ZBTB20: variants seen among roughly 807,000 people sequenced by gnomAD.
The protein encoded by ZBTB20 is zinc finger and BTB domain-containing protein 20.
A neutral mutation model predicts 56.9 loss-of-function variants in ZBTB20; 9 were observed. That is an observed-to-expected ratio of 0.16 (90% CI 0.10 to 0.28). ZBTB20 has a LOEUF of 0.28. ZBTB20 is among the 10% of genes least tolerant of loss of function. The pLI is 1.00. For missense variants in ZBTB20, 655 were observed against 1,003.0 expected (o/e 0.65, Z 4.69); for synonymous variants, 417 against 420.7 (o/e 0.99, Z 0.11).
chr3:114,863,873 G>T (rs1258741912), intron 4 of ZBTB20, among the ~76,000 whole-genome samples: 1 of 151,878 alleles, frequency 6.6e-6, no homozygotes, highest in Non-Finnish European at 1.5e-5. Flanking sequence ...CATTAAGTTT[G>T]GTGTTTAATT....
At chr3:114,360,080 G>T (rs1406198424) in intron 10 of ZBTB20, among the ~76,000 whole-genome samples, 2 of 151,106 alleles carry the variant, frequency 1.3e-5, no homozygotes, top group Non-Finnish European at 2.9e-5. Flanking sequence ...TTAAACGAGT[G>T]AGAAAACAGA....
intron 4 of ZBTB20, among the ~76,000 whole-genome samples, chr3:114,805,770 A>G (rs2072058033): frequency 6.6e-6 from 1 of 151,900 alleles, no homozygotes; most frequent in African/African-American, 2.4e-5. Context: ...GTCAATCCCT[A>G]GACCCAGACA....
intron 6 of ZBTB20, among the ~76,000 whole-genome samples, chr3:114,651,131 C>A (rs1476503550): frequency 6.6e-6 from 1 of 151,960 alleles, no homozygotes; most frequent in South Asian, 2.1e-4. Context: ...TTAAAAAGAA[C>A]AAGAAAGGAA....
At chr3:114,601,724 G>A (rs575660277) in intron 6 of ZBTB20, among the ~76,000 whole-genome samples, 2 of 152,028 alleles carry the variant, frequency 1.3e-5, no homozygotes, top group Non-Finnish European at 2.9e-5. Flanking sequence ...AGGATACTTG[G>A]GATTTCAAAG....
intron 3 of ZBTB20, among the ~76,000 whole-genome samples, chr3:114,930,134 G>A (rs2076302221): frequency 6.6e-6 from 1 of 152,046 alleles, no homozygotes; most frequent in South Asian, 2.1e-4. Context: ...ACACCACATT[G>A]CCTAAGATTG....
chr3:114,441,899 CA>C (rs1206336827), intron 7 of ZBTB20, among the ~76,000 whole-genome samples: 1 of 151,442 alleles, frequency 6.6e-6, no homozygotes, highest in East Asian at 1.9e-4. Context: ...AAAACCAAAA[CA>C]AAAAAAACCA....
intron 7 of ZBTB20, among the ~76,000 whole-genome samples, chr3:114,433,793 G>A (rs2090304838): frequency 6.6e-6 from 1 of 152,086 alleles, no homozygotes. Context: ...TTAGCAGTTC[G>A]GAAGAAGCAA....
At chr3:114,966,477 A>G (rs1042913528) in intron 3 of ZBTB20, among the ~76,000 whole-genome samples, 3 of 152,088 alleles carry the variant, frequency 2.0e-5, no homozygotes, top group African/African-American at 7.2e-5. Context: ...TAGGTATTCA[A>G]TTCATCAATT....
At chr3:114,849,427 A>G (rs1331743546) in intron 4 of ZBTB20, among the ~76,000 whole-genome samples, 1 of 152,218 alleles carries the variant, frequency 6.6e-6, no homozygotes, top group African/African-American at 2.4e-5. Flanking sequence ...ACTTGGATAC[A>G]CTTCCTCTGT....
chr3:114,825,459 G>A (rs2073475583), intron 4 of ZBTB20, among the ~76,000 whole-genome samples: 1 of 151,844 alleles, frequency 6.6e-6, no homozygotes, highest in African/African-American at 2.4e-5. Flanking sequence ...TTTTAGAAGT[G>A]ATGTTTCTCT....
chr3:115,066,103 C>G (rs1506025), intron 2 of ZBTB20, among the ~76,000 whole-genome samples: 7,564 of 152,144 alleles, frequency 0.05, 636 homozygotes, highest in African/African-American at 0.17. Flanking sequence ...CACACTTATC[C>G]TAACTTTTAC....
chr3:115,106,062 C>A (rs1451252208), intron 1 of ZBTB20, among the ~76,000 whole-genome samples: 1 of 151,800 alleles, frequency 6.6e-6, no homozygotes, highest in East Asian at 1.9e-4. Context: ...GTGATCCGCC[C>A]ACCTCAGCCT....
At chr3:114,993,752 C>G (rs1327717748) in intron 2 of ZBTB20, among the ~76,000 whole-genome samples, 1 of 151,674 alleles carries the variant, frequency 6.6e-6, no homozygotes, top group South Asian at 2.1e-4. Flanking sequence ...TGGGATGCAG[C>G]TAAAGTGGTT....
chr3:114,967,365 T>C (rs781283423), intron 3 of ZBTB20, among the ~76,000 whole-genome samples: 1 of 152,226 alleles, frequency 6.6e-6, no homozygotes. Flanking sequence ...ACTGATGATA[T>C]CAGCAAAGTG....
intron 7 of ZBTB20, among the ~76,000 whole-genome samples, chr3:114,394,897 G>A (rs1052527310): frequency 1.3e-5 from 2 of 151,824 alleles, no homozygotes; most frequent in Non-Finnish European, 2.9e-5. Context: ...GATCCCCAAG[G>A]GTTTTCCCCT....
intron 3 of ZBTB20, among the ~76,000 whole-genome samples, chr3:114,957,438 T>A (rs954285459): frequency 6.6e-6 from 1 of 152,188 alleles, no homozygotes; most frequent in African/African-American, 2.4e-5. Flanking sequence ...TTTAATTATA[T>A]GACTGCATGT....
At chr3:114,780,830 A>G (rs1346589347) in intron 5 of ZBTB20, among the ~76,000 whole-genome samples, 1 of 152,128 alleles carries the variant, frequency 6.6e-6, no homozygotes, top group Non-Finnish European at 1.5e-5. Context: ...ATAAACACGT[A>G]AACAATTTAG....
chr3:114,813,727 G>A lies in ZBTB20; in HGVS notation c.-416-12553C>T, dbSNP rs562861665. 1.1e-4 allele frequency among the ~76,000 whole-genome samples: 17 copies of A among 152,204 alleles called. No homozygotes were observed. The East Asian group carries it at 3.1e-3, about 28-fold the overall frequency. On this transcript the variant is annotated intron_variant, in intron 4 of 11. Transcript: ENST00000675478. The stretch of plus-strand genomic sequence containing the variant: ...GATGGCACCACTGCACTCCAGCCTG[G>A]GTGACAGAGTGAAACCCCATCTCAA...
In ZBTB20 at chr3:114,988,490, C is replaced by G. The variant is rs371236882; in HGVS notation, c.-506-14074G>C. Reference sequence around the variant, plus strand: ...GTATATGTGCCACATTTTCTTAATCCAGTCTATCATTGATGGACATTTGGG... The same window carrying G: ...GTATATGTGCCACATTTTCTTAATCGAGTCTATCATTGATGGACATTTGGG... On this transcript the variant is annotated intron_variant, in intron 2 of 11. Coordinates refer to ENST00000675478, the MANE Select transcript of ZBTB20 (RefSeq NM_001348800.3). 4.6e-5 allele frequency among the ~76,000 whole-genome samples: 7 copies of G among 152,074 alleles called. No individual in the cohort carries two copies. The East Asian group carries it at 9.7e-4, about 21-fold the overall frequency.
Sources: allele counts gnomAD v4.1 joint callset (sites outside exome capture counted in the v4.1 genomes callset), GRCh38; gene constraint gnomAD v4.1.1; transcripts MANE v1.5; gene names NCBI Gene and HGNC (gene_info 2026-07-23, HGNC 2026-07-21).